MYH13: variants seen among roughly 807,000 people sequenced by gnomAD.
MYH13 encodes myosin heavy chain 13.
Under a neutral mutation model 232.1 loss-of-function variants are expected in MYH13, and 177 were observed. The ratio of observed to expected loss-of-function variants is 0.76; its 90% CI spans 0.67 to 0.86. The LOEUF is 0.86. Ranked by LOEUF, MYH13 falls within the 40% of genes least tolerant of loss-of-function variation. The pLI is 0.00. For synonymous variants in MYH13, 884 were observed against 923.5 expected (o/e 0.96, Z 0.78); for missense variants, 2,246 against 2,405.9 (o/e 0.93, Z 1.39).
At chr17:10,359,556 C>G (rs2071775052) in intron 7 of MYH13, among the ~76,000 whole-genome samples, 2 of 152,250 alleles carry the variant, frequency 1.3e-5, no homozygotes, top group South Asian at 4.2e-4. Flanking sequence ...AGGTAATTAC[C>G]AAACCTGAGA....
intron 22 of MYH13, among the ~76,000 whole-genome samples, chr17:10,326,848 C>A (rs1433089204): frequency 6.9e-6 from 1 of 144,094 alleles, no homozygotes; most frequent in Non-Finnish European, 1.5e-5. Context: ...CGGGGTCTCA[C>A]TGTGTTGCCC....
intron 35 of MYH13, among the ~76,000 whole-genome samples, chr17:10,307,340 A>T (rs1433289516): frequency 6.6e-6 from 1 of 152,244 alleles, no homozygotes; most frequent in Non-Finnish European, 1.5e-5. Context: ...TTCAGTAAAA[A>T]GTCTTGGAAC....
intron 27 of MYH13, among the ~76,000 whole-genome samples, chr17:10,318,302 T>TC (rs1370112575): frequency 6.6e-6 from 1 of 151,948 alleles, no homozygotes; most frequent in Admixed American, 6.6e-5. Context: ...AAAGTTTGTG[T>TC]CCCCCCAAAA....
intron 18 of MYH13, among the ~76,000 whole-genome samples, chr17:10,333,892 G>C (rs1015931172): frequency 1.5e-4 from 22 of 151,010 alleles, no homozygotes; most frequent in Non-Finnish European, 5.9e-5. Flanking sequence ...TAGGCAAGAA[G>C]AGTGAAACTG....
chr17:10,355,813 G>T (rs2071744193), intron 8 of MYH13, among the ~76,000 whole-genome samples: 1 of 120,518 alleles, frequency 8.3e-6, no homozygotes, highest in Non-Finnish European at 1.7e-5. Context: ...TAACTGGTTG[G>T]ATTGTTCTGT....
chr17:10,338,764 G>C (rs1432233035), intron 18 of MYH13, among the ~76,000 whole-genome samples: 3 of 149,994 alleles, frequency 2.0e-5, no homozygotes, highest in Non-Finnish European at 4.4e-5. Flanking sequence ...GCAGTGGCAC[G>C]ATCTCGGCTC....
Position 10,320,167 on chromosome 17 carries a change from T to C in MYH13, c.3334A>G (p.Ile1112Val). The C allele has an allele frequency of 6.3e-7, 1 of 1,589,588 alleles. No individual in the cohort carries two copies. Among genetic ancestry groups the C allele is most frequent in the Non-Finnish European group, 8.6e-7 (1 of 1,166,948 alleles). ...QVHSLQFQKK[I>V]KELQARIEEL... ...GATGCTTTTACTTGCAGTTCTTTAA[T>C]CTTCTTTTGAAACTGCAAACTGTGG... Residue 1112 changes from isoleucine to valine, a missense_variant, in exon 26 of 41, where the codon ATT (isoleucine) becomes GTT (valine). Coordinates refer to ENST00000252172, the MANE Select transcript of MYH13 (RefSeq NM_003802.3).
At position 10,320,349 on chromosome 17, in the gene MYH13, A is replaced by G. The variant is rs1567659731; in HGVS notation, c.3257+2T>C. 8 of 1,611,074 alleles carry G rather than the reference A, an allele frequency of 5.0e-6. No individual in the cohort carries two copies. The highest frequency in any genetic ancestry group is 1.7e-5 in the Admixed American group (1 of 59,574). On this transcript the variant is annotated splice_donor_variant, in intron 25 of 40. Transcript: ENST00000252172. LOFTEE classifies it high-confidence loss of function. ...CACAGAGGTGGTAAAAGAAATATCT[A>G]CTTTTTCAATTTCTCTTCTATTTGC...
At chr17:10,342,801 G>A (rs2071628054) in intron 16 of MYH13, among the ~76,000 whole-genome samples, 2 of 152,078 alleles carry the variant, frequency 1.3e-5, no homozygotes, top group Admixed American at 1.3e-4. Context: ...ATAGAAATCT[G>A]CTCATGGGGA....
rs966124225 is a variant in MYH13 at position 10,312,520 on chromosome 17, C to T, written c.4365+54G>A. 2.4e-5 allele frequency: 37 copies of T among 1,539,054 alleles called. No individual in the cohort carries two copies. In the East Asian group the frequency reaches 8.1e-4, roughly 34 times the overall value. On this transcript the variant is annotated intron_variant, in intron 31 of 40. Coordinates refer to ENST00000252172, the MANE Select transcript of MYH13 (RefSeq NM_003802.3). ...GTATTTTCATGTAAATAGCATTTCCCCAACTTGAATTATCCTCATGCCATC... is the reference window on the plus strand; with the variant it reads ...GTATTTTCATGTAAATAGCATTTCCTCAACTTGAATTATCCTCATGCCATC...
chr17:10,304,311 T>C lies in MYH13; in HGVS notation c.5467-813A>G, dbSNP rs1906204512. Among the ~76,000 whole-genome samples, 1 of 152,224 alleles carries C rather than the reference T, an allele frequency of 6.6e-6. No individual in the cohort carries two copies. The highest frequency in any genetic ancestry group is 1.5e-5 in the Non-Finnish European group (1 of 68,036). On this transcript the variant is annotated intron_variant, in intron 37 of 40. Transcript: ENST00000252172. The surrounding 1 kb of genome is among the most constrained non-coding windows in gnomAD (Gnocchi z 5.3). ...GGGATTTTGCCAAGATGTCTCCTCC[T>C]AGGTCTTAGGAGCCACATTTTATTG...
In MYH13 at chr17:10,304,339, A is replaced by C. The variant is rs1906205370; in HGVS notation, c.5467-841T>G. ...GTCTTAGGAGCCACATTTTATTGACAATGCAGGTGCTTTGAGCAAGTGAGA... is the reference window on the plus strand; with the variant it reads ...GTCTTAGGAGCCACATTTTATTGACCATGCAGGTGCTTTGAGCAAGTGAGA... On this transcript the variant is annotated intron_variant, in intron 37 of 40. Coordinates refer to ENST00000252172, the MANE Select transcript of MYH13 (RefSeq NM_003802.3). This position sits in a 1 kb window ranked among gnomAD's most constrained non-coding sequence, Gnocchi z 5.3. 6.6e-6 allele frequency among the ~76,000 whole-genome samples: 1 copy of C among 152,234 alleles called. No individual in the cohort carries two copies. The highest frequency in any genetic ancestry group is 1.5e-5 in the Non-Finnish European group (1 of 68,040).
At position 10,300,892 on chromosome 17, in the gene MYH13, C is replaced by T; in HGVS notation, c.*59G>A. On this transcript the variant is annotated 3_prime_UTR_variant, in exon 41 of 41. Transcript: ENST00000252172. ...CGAGTATTTAGGAGAATTTATTTCT[C>T]ACACATTTTCCCTCCACTCTCTCGG... is the stretch of plus-strand genomic sequence containing the variant. 6.4e-7 allele frequency: 1 copy of T among 1,560,590 alleles called. No individual in the cohort carries two copies. The highest frequency in any genetic ancestry group is 8.8e-7 in the Non-Finnish European group (1 of 1,138,576).
intron 20 of MYH13, 45 bp from the exon 21 acceptor site, chr17:10,330,568 CGTTCA>C: frequency 6.4e-7 from 1 of 1,565,678 alleles, no homozygotes; most frequent in Non-Finnish European, 8.6e-7. Context: ...CCCCAGCAGG[CGTTCA>C]GCCGGGCCCT....
intron 11 of MYH13, among the ~76,000 whole-genome samples, chr17:10,352,423 C>G (rs2071717408): frequency 6.6e-6 from 1 of 152,090 alleles, no homozygotes; most frequent in African/African-American, 2.4e-5. Context: ...AACCCCTTCT[C>G]TACTAAAAAT....
In MYH13 at chr17:10,321,515, T is replaced by G. The variant is rs370401697; in HGVS notation, c.3111+17A>C. ...ACAAGTGATAAATGCTAAAGCATAG[T>G]AGTAAAATATCCTCACATCATCTGT... On this transcript the variant is annotated intron_variant, in intron 24 of 40. Transcript: ENST00000252172. The G allele has an allele frequency of 1.1e-5, 17 of 1,606,930 alleles. No homozygotes were observed. The highest frequency in any genetic ancestry group is 1.7e-5 in the Admixed American group (1 of 59,370).
chr17:10,346,111 G>T (rs1477829758), intron 13 of MYH13, among the ~76,000 whole-genome samples: 2 of 151,738 alleles, frequency 1.3e-5, no homozygotes, highest in Non-Finnish European at 2.9e-5. Context: ...CCCAGCTCAT[G>T]TTGTTCACCT....
At chr17:10,337,648 C>A (rs12943772) in intron 18 of MYH13, among the ~76,000 whole-genome samples, 117,355 of 151,764 alleles carry the variant, frequency 0.77, 45,747 homozygotes, top group East Asian at 0.9. Flanking sequence ...CTTCTGTATT[C>A]GTGTTGGGCT....
chr17:10,324,354 C>A, intron 22 of MYH13, 90 bp from the exon 23 acceptor site: 1 of 1,503,758 alleles, frequency 6.7e-7, no homozygotes, highest in Non-Finnish European at 9.0e-7. Context: ...TTATTATCTA[C>A]ACCTAAGCCA....
Sources: allele counts gnomAD v4.1 joint callset (sites outside exome capture counted in the v4.1 genomes callset), GRCh38; gene constraint gnomAD v4.1.1; non-coding constraint Gnocchi (gnomAD v3.1); transcripts MANE v1.5; gene names NCBI Gene and HGNC (gene_info 2026-07-23, HGNC 2026-07-21).